The following FANCC variants were observed in gnomAD, a reference collection of about 807,000 sequenced individuals.
FANCC encodes Fanconi anemia group C protein.
A neutral mutation model predicts 71.3 loss-of-function variants in FANCC; 55 were observed. The ratio of observed to expected loss-of-function variants is 0.77; its 90% CI spans 0.62 to 0.97. The LOEUF (loss-of-function observed/expected upper bound fraction) is 0.97. Among genes scored for constraint, FANCC ranks in the 50% least tolerant of loss-of-function variants. The probability of loss-of-function intolerance (pLI) is 0.00; values close to 1 mark genes in which losing one functional copy is unlikely to be tolerated. For synonymous variants in FANCC, 275 were observed against 244.9 expected, an observed-to-expected ratio of 1.12 and a Z score of -1.15; for missense variants, 678 against 670.9, an observed-to-expected ratio of 1.01 and a Z score of -0.12.
At chr9:95,102,887 C>A (rs1431005621) in intron 14 of FANCC, among the ~76,000 whole-genome samples, 1 of 152,230 alleles carries the variant, frequency 6.6e-6, no homozygotes, top group Admixed American at 6.5e-5. Flanking sequence ...CCTGGCAGCA[C>A]ACAGGGCCTG....
At chr9:95,195,212 A>AAG (rs1827368744) in intron 4 of FANCC, among the ~76,000 whole-genome samples, 1 of 148,548 alleles carries the variant, frequency 6.7e-6, no homozygotes, top group South Asian at 2.1e-4. Context: ...AAAAAAAAAA[A>AAG]AAAAAAAAAC....
intron 1 of FANCC, among the ~76,000 whole-genome samples, chr9:95,275,392 A>G (rs1198651248): frequency 1.3e-5 from 2 of 152,192 alleles, no homozygotes; most frequent in Non-Finnish European, 2.9e-5. Flanking sequence ...TAGGGCCATA[A>G]AACTATTCTG....
At chr9:95,222,552 T>C (rs1044780293) in intron 4 of FANCC, among the ~76,000 whole-genome samples, 9 of 152,216 alleles carry the variant, frequency 5.9e-5, no homozygotes, top group Admixed American at 3.9e-4. Flanking sequence ...GTTTTGTTTC[T>C]TGATTGTGGC....
chr9:95,111,416 C>T (rs758076112), intron 13 of FANCC, 47 bp downstream of exon 13: 2 of 1,599,510 alleles, frequency 1.3e-6, no homozygotes, highest in African/African-American at 1.3e-5. Context: ...CTCCTCTCAG[C>T]CCCCCAGAGC....
At chr9:95,152,614 A>G (rs995690515) in intron 6 of FANCC, among the ~76,000 whole-genome samples, 6 of 152,226 alleles carry the variant, frequency 3.9e-5, no homozygotes, top group Non-Finnish European at 7.3e-5. Flanking sequence ...AAATGCAACT[A>G]TATTTTTTGT....
chr9:95,310,343 A>C (rs1835313384), intron 1 of FANCC, among the ~76,000 whole-genome samples: 1 of 151,640 alleles, frequency 6.6e-6, no homozygotes, highest in African/African-American at 2.4e-5. Context: ...CTCCTGGTTG[A>C]CAGGGCAAGA....
intron 4 of FANCC, among the ~76,000 whole-genome samples, chr9:95,228,032 T>A (rs1000583695): frequency 1.3e-5 from 2 of 152,136 alleles, no homozygotes; most frequent in Non-Finnish European, 2.9e-5. Context: ...TCTGGCTACC[T>A]CAGCGCCTTC....
chr9:95,244,628 G>A (rs547848176), intron 3 of FANCC, among the ~76,000 whole-genome samples: 157 of 127,742 alleles, frequency 1.2e-3, no homozygotes, highest in African/African-American at 4.5e-3. Context: ...GCAGTGAGCC[G>A]AGATCACGCC....
At chr9:95,123,004 A>T (rs1825306398) in intron 10 of FANCC, among the ~76,000 whole-genome samples, 2 of 152,122 alleles carry the variant, frequency 1.3e-5, no homozygotes, top group Non-Finnish European at 2.9e-5. Flanking sequence ...AAAATAAATC[A>T]CAAATATTTA....
At chr9:95,284,909 T>C (rs1028740454) in intron 1 of FANCC, among the ~76,000 whole-genome samples, 2 of 141,274 alleles carry the variant, frequency 1.4e-5, no homozygotes, top group African/African-American at 5.2e-5. Context: ...CACACAAACA[T>C]ACGCATGCGC....
intron 1 of FANCC, among the ~76,000 whole-genome samples, chr9:95,299,047 T>C (rs1253250677): frequency 6.6e-6 from 1 of 152,344 alleles, no homozygotes; most frequent in East Asian, 1.9e-4. Context: ...AGCTAGTTTG[T>C]TTTTCTATTT....
At position 95,125,176 on chromosome 9, in the gene FANCC, G is replaced by A. The variant is rs766079351; in HGVS notation, c.906C>T (p.Leu302=). ...RVVDEMFRCA[L]LETDGALEII... is the part of the protein sequence containing the mutation. ...TTTCCAGGGCCCCATCGGTTTCCAG[G>A]AGTGCACACCTGAACAATGCAAAGT... The change falls in exon 10 of 15, where the codon CTC becomes CTT. Residue 302 remains leucine (L), a synonymous_variant. Coordinates refer to ENST00000289081, the MANE Select transcript of FANCC (RefSeq NM_000136.3). 3 of 1,614,022 alleles carry A rather than the reference G, an allele frequency of 1.9e-6. No homozygotes were observed. Among genetic ancestry groups the A allele is most frequent in the Non-Finnish European group, 2.5e-6 (3 of 1,179,900 alleles).
At chr9:95,159,406 C>A (rs1020571108) in intron 6 of FANCC, among the ~76,000 whole-genome samples, 2 of 152,190 alleles carry the variant, frequency 1.3e-5, no homozygotes, top group African/African-American at 4.8e-5. Flanking sequence ...TGTATTTGTG[C>A]CACATTTTCT....
chr9:95,215,522 C>G (rs1451921541), intron 4 of FANCC, among the ~76,000 whole-genome samples: 1 of 152,188 alleles, frequency 6.6e-6, no homozygotes, highest in Non-Finnish European at 1.5e-5. Flanking sequence ...ATACTCCTCC[C>G]CCCGAAAGGT....
Position 95,293,958 on chromosome 9 carries a change from G to A in FANCC, c.-79+23568C>T, listed in dbSNP as rs1018527305. ...TTATAAGCAACAGTTTAGTAGCAGA[G>A]ATAGTAACTCATAGTTTGTTACCTC... On this transcript the variant is annotated intron_variant, in intron 1 of 14. Transcript: ENST00000289081. The A allele has an allele frequency of 6.9e-6, 11 of 1,585,018 alleles. No homozygotes were observed. The African/African-American group carries it at 1.5e-4, about 21-fold the overall frequency.
At chr9:95,200,582 A>T (rs1827745509) in intron 4 of FANCC, among the ~76,000 whole-genome samples, 2 of 152,188 alleles carry the variant, frequency 1.3e-5, no homozygotes, top group African/African-American at 2.4e-5. Flanking sequence ...CAAATGGGGA[A>T]TTTCAGGCAA....
intron 1 of FANCC, among the ~76,000 whole-genome samples, chr9:95,307,932 T>C (rs568855551): frequency 6.6e-6 from 1 of 152,298 alleles, no homozygotes; most frequent in South Asian, 2.1e-4. Context: ...AAGTCTAAGA[T>C]TGAGGGGTCA....
intron 4 of FANCC, among the ~76,000 whole-genome samples, chr9:95,193,354 C>T (rs561657928): frequency 1.3e-5 from 2 of 152,108 alleles, no homozygotes; most frequent in East Asian, 1.9e-4. Flanking sequence ...TAGGCCATGG[C>T]GAGCAGAAGA....
At chr9:95,118,028 T>C (rs1350710134) in intron 10 of FANCC, among the ~76,000 whole-genome samples, 1 of 151,312 alleles carries the variant, frequency 6.6e-6, no homozygotes, top group Non-Finnish European at 1.5e-5. Context: ...TTGTTTTTGT[T>C]TTTTTATTGA....
Sources: gnomAD v4.1 joint callset for allele counts (sites outside exome capture counted in the v4.1 genomes callset) on GRCh38, gnomAD v4.1.1 for gene constraint, MANE v1.5 for transcripts, NCBI Gene and HGNC (gene_info 2026-07-23, HGNC 2026-07-21) for gene names.